BRSK2: variants seen among roughly 807,000 people sequenced by gnomAD.
BRSK2 encodes the protein serine/threonine-protein kinase BRSK2.
BRSK2 carries 19 observed loss-of-function variants against 83.3 expected under a neutral mutation model. The observed-to-expected ratio is 0.23, with a 90% CI of 0.16 to 0.33. The LOEUF is 0.33. Among genes scored for constraint, BRSK2 ranks in the 10% least tolerant of loss-of-function variants. BRSK2 has a pLI of 1.00. For missense variants in BRSK2, 798 were observed against 1,042.3 expected (o/e 0.77, Z 3.23); for synonymous variants, 519 against 435.4 (o/e 1.19, Z -2.39).
At chr11:1,420,682 G>A (rs1848559052) in intron 1 of BRSK2, among the ~76,000 whole-genome samples, 1 of 152,072 alleles carries the variant, frequency 6.6e-6, no homozygotes, top group African/African-American at 2.4e-5. Flanking sequence ...TTCCTCCACT[G>A]CCTAGACTGT....
At chr11:1,422,834 C>T (rs913740556) in intron 1 of BRSK2, among the ~76,000 whole-genome samples, 14 of 152,266 alleles carry the variant, frequency 9.2e-5, no homozygotes, top group South Asian at 6.2e-4. Context: ...GAGGGGGTGA[C>T]GGAGATGAAG....
intron 1 of BRSK2, among the ~76,000 whole-genome samples, chr11:1,429,387 G>A (rs187686082): frequency 1.6e-4 from 24 of 151,990 alleles, no homozygotes; most frequent in African/African-American, 5.6e-4. Context: ...GGGTGTGTGT[G>A]CACTGAGTGT....
Position 1,410,450 on chromosome 11 carries a change from G to T in BRSK2, c.91+20075G>T, listed in dbSNP as rs12282828. 293 of 985,620 alleles carry T rather than the reference G, an allele frequency of 3.0e-4. 2 individuals are homozygous for T. In the African/African-American group the frequency reaches 4.8e-3, roughly 16 times the overall value. 61.1% of individuals were successfully genotyped at this position (985,620 alleles called of 1,614,324 possible). A position where few individuals can be genotyped will look rare whatever the true frequency, so the allele number is the denominator to read the frequency against. ...ACAGTTGCAGAGTCCGTGTTTGGGG[G>T]CGCCGTGAAAGCACCCAGCGTAGTC... is the stretch of plus-strand genomic sequence containing the variant. On this transcript the variant is annotated intron_variant, in intron 1 of 19. Coordinates refer to ENST00000528841, the MANE Select transcript of BRSK2 (RefSeq NM_001256627.2).
At chr11:1,408,778 T>TG (rs781137550) in intron 1 of BRSK2, among the ~76,000 whole-genome samples, 1 of 126,734 alleles carries the variant, frequency 7.9e-6, no homozygotes, top group Non-Finnish European at 1.8e-5. Flanking sequence ...TGTGTGTGTG[T>TG]TTGGCTGTGC....
At chr11:1,402,671 C>A (rs1846564353) in intron 1 of BRSK2, among the ~76,000 whole-genome samples, 1 of 152,180 alleles carries the variant, frequency 6.6e-6, no homozygotes, top group South Asian at 2.1e-4. Context: ...TGCCTGGGCA[C>A]TGGCAGAGGG....
intron 1 of BRSK2, 57 bp from the exon 2 acceptor site, chr11:1,435,983 G>A (rs1347528143): frequency 1.5e-6 from 2 of 1,355,782 alleles, no homozygotes; most frequent in African/African-American, 1.4e-5. Flanking sequence ...CTGTCCGGCT[G>A]GGTGCTCGCT....
intron 1 of BRSK2, among the ~76,000 whole-genome samples, chr11:1,420,578 C>T (rs1848549370): frequency 1.3e-5 from 2 of 152,190 alleles, no homozygotes; most frequent in Non-Finnish European, 2.9e-5. Flanking sequence ...GGTCTGCCAG[C>T]CTGGGCCTGG....
At chr11:1,446,019 TGG>T in intron 12 of BRSK2, 112 bp downstream of exon 12, 6 of 1,282,020 alleles carry the variant, frequency 4.7e-6, no homozygotes, top group Non-Finnish European at 6.1e-6. Flanking sequence ...GGCCATTGGG[TGG>T]GGCTGTATGG....
At chr11:1,439,473 C>T (rs1382702538) in intron 3 of BRSK2, among the ~76,000 whole-genome samples, 1 of 150,574 alleles carries the variant, frequency 6.6e-6, no homozygotes, top group Non-Finnish European at 1.5e-5. Flanking sequence ...AGGGGCATGG[C>T]TTCCTCATGG....
chr11:1,414,259 C>T (rs765932366), intron 1 of BRSK2, among the ~76,000 whole-genome samples: 16 of 152,184 alleles, frequency 1.1e-4, no homozygotes, highest in Non-Finnish European at 1.9e-4. Flanking sequence ...AGGAGGAGGA[C>T]GGCCTGGGAG....
rs574915566 is a variant in BRSK2, at chr11:1,399,373, C to T, written c.91+8998C>T. Among the ~76,000 whole-genome samples the T allele has an allele frequency of 2.0e-5, 3 of 152,288 alleles. No individual in the cohort carries two copies. In the South Asian group the frequency reaches 6.2e-4, roughly 32 times the overall value. On this transcript the variant is annotated intron_variant, in intron 1 of 19. Coordinates refer to ENST00000528841, the MANE Select transcript of BRSK2 (RefSeq NM_001256627.2). The stretch of plus-strand genomic sequence containing the variant: ...GCCCTGCCACTGGGGCCAGCGTCAG[C>T]CTCAGGACAGCCGAGGAGGGGAGAT...
At chr11:1,427,288 C>T (rs1849344788) in intron 1 of BRSK2, among the ~76,000 whole-genome samples, 3 of 152,338 alleles carry the variant, frequency 2.0e-5, no homozygotes, top group East Asian at 3.9e-4. Flanking sequence ...GGCTGTCCTG[C>T]TGCCTCGCCC....
chr11:1,453,192 A>AC (rs1300042163), intron 15 of BRSK2, among the ~76,000 whole-genome samples: 2 of 152,172 alleles, frequency 1.3e-5, no homozygotes, highest in East Asian at 3.9e-4. Context: ...CAACACCCAG[A>AC]CTAGTGTCCG....
chr11:1,457,945 G>GC (rs1846843082), intron 18 of BRSK2, among the ~76,000 whole-genome samples: 1 of 152,204 alleles, frequency 6.6e-6, no homozygotes, highest in Admixed American at 6.5e-5. Flanking sequence ...GTAAGGAGGA[G>GC]CAGGGTTCCA....
chr11:1,426,966 C>T (rs534974166), intron 1 of BRSK2, among the ~76,000 whole-genome samples: 10 of 152,250 alleles, frequency 6.6e-5, no homozygotes, highest in Admixed American at 1.3e-4. Flanking sequence ...ATACCTGCTG[C>T]GCAACTTTAG....
In BRSK2 at chr11:1,460,557, A is replaced by G; in HGVS notation, c.2045A>G (p.Asn682Ser). The G allele has an allele frequency of 6.5e-7, 1 of 1,529,548 alleles. No homozygotes were observed. The highest frequency in any genetic ancestry group is 8.7e-7 in the Non-Finnish European group (1 of 1,144,426). The allele number at this position is 1,529,548 out of a possible 1,614,324, so 94.7% of individuals were successfully genotyped here. Residue 682 changes from asparagine to serine, a missense_variant, in exon 20 of 20, where the codon AAC becomes AGC. By Grantham distance (46) the Asn-to-Ser change is conservative. Transcript: ENST00000528841. Reference sequence around the variant, plus strand: ...AAACAACTTTTTTCAGACGAGAAGAACGGGCAGGCGGCCCAGGCCCCCAGC... The same window carrying G: ...AAACAACTTTTTTCAGACGAGAAGAGCGGGCAGGCGGCCCAGGCCCCCAGC... ...VIKQLFSDEK[N>S]GQAAQAPSTP... is the part of the protein sequence containing the mutation.
chr11:1,406,142 C>T (rs934679610), intron 1 of BRSK2, among the ~76,000 whole-genome samples: 2 of 152,154 alleles, frequency 1.3e-5, no homozygotes, highest in African/African-American at 4.8e-5. Flanking sequence ...GCCTGGCCTT[C>T]CTCTCCCTGC....
At chr11:1,413,266 A>C (rs1426153107) in intron 1 of BRSK2, among the ~76,000 whole-genome samples, 2 of 151,768 alleles carry the variant, frequency 1.3e-5, no homozygotes, top group African/African-American at 4.8e-5. Flanking sequence ...GTGTGCCCTG[A>C]CCCCACTGTC....
chr11:1,410,593 T>C, intron 1 of BRSK2: 1 of 985,382 alleles, frequency 1.0e-6, no homozygotes, highest in Non-Finnish European at 1.2e-6. Flanking sequence ...GGGAGTGGAC[T>C]CGGGGGCTCC....
Sources: allele counts gnomAD v4.1 joint callset (sites outside exome capture counted in the v4.1 genomes callset), GRCh38; gene constraint gnomAD v4.1.1; transcripts MANE v1.5; gene names NCBI Gene and HGNC (gene_info 2026-07-23, HGNC 2026-07-21).